The following PACSIN1 variants were observed in gnomAD, a reference collection of about 807,000 sequenced individuals.
PACSIN1 encodes protein kinase C and casein kinase substrate in neurons protein 1.
In PACSIN1, 15 loss-of-function variants were observed where a neutral mutation model predicts 59.5. The observed-to-expected ratio is 0.25, with a 90% CI of 0.17 to 0.39. The LOEUF is 0.39. PACSIN1 is among the 10% of genes least tolerant of loss of function. The pLI is 1.00. For missense variants in PACSIN1, 420 were observed against 580.2 expected (o/e 0.72, Z 2.84); for synonymous variants, 210 against 220.6 (o/e 0.95, Z 0.42).
At chr6:34,508,902 A>G (rs1034668077) in intron 1 of PACSIN1, among the ~76,000 whole-genome samples, 1 of 151,996 alleles carries the variant, frequency 6.6e-6, no homozygotes, top group Non-Finnish European at 1.5e-5. Flanking sequence ...TTTCTTATGT[A>G]TTTTGGATCC....
In PACSIN1 at chr6:34,483,799, G is replaced by A. The variant is rs147117938; in HGVS notation, c.-64+17529G>A. Among the ~76,000 whole-genome samples the A allele has an allele frequency of 7.5e-3, 1,138 of 152,044 alleles. 16 individuals carry two copies. Among genetic ancestry groups the A allele is most frequent in the African/African-American group, 0.026 (1,073 of 41,476 alleles). On this transcript the variant is annotated intron_variant, in intron 1 of 9. Transcript: ENST00000244458. ...TAGCTGGGATTGATTACAGGCATGT[G>A]CCACCATGCCCGGCTAATTTTGTAT...
At chr6:34,486,151 G>C (rs1378087566) in intron 1 of PACSIN1, among the ~76,000 whole-genome samples, 1 of 152,108 alleles carries the variant, frequency 6.6e-6, no homozygotes, top group Admixed American at 6.5e-5. Context: ...CCCAGACTAG[G>C]GGGTGAGGGG....
chr6:34,527,470 C>A lies in PACSIN1; in HGVS notation c.202C>A (p.Arg68Ser). ...GCTCACCGACTGGGCCAAGCGTTGG[C>A]GCCAGCTCATCGAGAAAGGTGCTCC... The part of the protein sequence containing the change: ...QQLTDWAKRW[R>S]QLIEKGPQYG... Residue 68 changes from arginine to serine, a missense_variant, in exon 3 of 10, where the codon CGC becomes AGC. Coordinates refer to ENST00000244458, the MANE Select transcript of PACSIN1 (RefSeq NM_020804.5). The A allele has an allele frequency of 6.3e-7, 1 of 1,593,338 alleles. No homozygotes were observed. The highest frequency in any genetic ancestry group is 1.8e-5 in the Admixed American group (1 of 56,992).
At position 34,530,294 on chromosome 6, in the gene PACSIN1, C is replaced by T. The variant is rs1344614570; in HGVS notation, c.840C>T (p.Ala280=). 6.2e-7 allele frequency: 1 copy of T among 1,613,950 alleles called. No homozygotes were observed. Among genetic ancestry groups the T allele is most frequent in the Non-Finnish European group, 8.5e-7 (1 of 1,180,010 alleles). ...ELEQAIRGAD[A]QEDLRWFRST... ...AGCAGGCCATCCGGGGGGCTGATGC[C>T]CAGGAAGACCTCAGATGGTTCCGCA... The change falls in exon 7 of 10, where the codon GCC becomes GCT. Residue 280 remains alanine (A), a synonymous_variant. Transcript: ENST00000244458. This position sits in a 1 kb window ranked among gnomAD's most constrained non-coding sequence, Gnocchi z 4.4.
intron 1 of PACSIN1, among the ~76,000 whole-genome samples, chr6:34,472,439 T>C (rs903716534): frequency 1.3e-5 from 2 of 152,246 alleles, no homozygotes; most frequent in Admixed American, 1.3e-4. Flanking sequence ...CGCAGGGATC[T>C]GGAGGGAGAA....
intron 1 of PACSIN1, among the ~76,000 whole-genome samples, chr6:34,481,365 A>T (rs1766716190): frequency 6.6e-6 from 1 of 152,084 alleles, no homozygotes; most frequent in South Asian, 2.1e-4. Context: ...CATCTTTTTC[A>T]TACGTTCACA....
In PACSIN1 at chr6:34,528,889, GT is replaced by G; in HGVS notation, c.456+13del. 1 of 1,482,742 alleles carries G rather than the reference GT, an allele frequency of 6.7e-7. No homozygotes were observed. The highest frequency in any genetic ancestry group is 9.4e-7 in the Non-Finnish European group (1 of 1,069,044). The allele number at this position is 1,482,742 out of a possible 1,614,324, so 91.8% of individuals were successfully genotyped here. On this transcript the variant is annotated intron_variant, in intron 4 of 9. Transcript: ENST00000244458. ...AGAAGATGAAGGAGGTGCTCAGTGG[GT>G]GCTGCCACGGGCGGGGTGGGGTGGG...
intron 1 of PACSIN1, among the ~76,000 whole-genome samples, chr6:34,506,832 A>T (rs1382693118): frequency 1.3e-5 from 2 of 152,174 alleles, no homozygotes; most frequent in Non-Finnish European, 2.9e-5. Flanking sequence ...AGGTCAACCC[A>T]GCATGGAGAG....
chr6:34,512,858 G>A (rs1009021305), intron 1 of PACSIN1, among the ~76,000 whole-genome samples: 2 of 152,240 alleles, frequency 1.3e-5, no homozygotes, highest in African/African-American at 4.8e-5. Flanking sequence ...AGGCTTGGCA[G>A]ACCGAGGGCT....
chr6:34,477,230 C>T (rs916620560), intron 1 of PACSIN1, among the ~76,000 whole-genome samples: 2 of 152,010 alleles, frequency 1.3e-5, no homozygotes, highest in African/African-American at 4.8e-5. Flanking sequence ...GTTGCTCATG[C>T]CTGTAATCCC....
At chr6:34,493,271 C>T (rs1281442438) in intron 1 of PACSIN1, among the ~76,000 whole-genome samples, 3 of 152,168 alleles carry the variant, frequency 2.0e-5, no homozygotes, top group African/African-American at 7.2e-5. Flanking sequence ...TTTGGGGTGG[C>T]ACAGGGCATA....
At position 34,529,869 on chromosome 6, in the gene PACSIN1, C is replaced by G. The variant is rs1185548160; in HGVS notation, c.788+28C>G. On this transcript the variant is annotated intron_variant, in intron 6 of 9. Coordinates refer to ENST00000244458, the MANE Select transcript of PACSIN1 (RefSeq NM_020804.5). This position sits in a 1 kb window ranked among gnomAD's most constrained non-coding sequence, Gnocchi z 6.3. The stretch of plus-strand genomic sequence containing the variant: ...ACCTGGGCATGGCAGGCACCGAGGG[C>G]ACAGGCACAGCCAGCAGATGGTGTG... 1 of 1,605,148 alleles carries G rather than the reference C, an allele frequency of 6.2e-7. No individual in the cohort carries two copies.
At position 34,532,310 on chromosome 6, in the gene PACSIN1, A is replaced by C. The variant is rs1767611880; in HGVS notation, c.1226-111A>C. The C allele has an allele frequency of 2.8e-6, 2 of 714,106 alleles. No individual in the cohort carries two copies. Among genetic ancestry groups the C allele is most frequent in the Non-Finnish European group, 4.8e-6 (2 of 416,560 alleles). 44.2% of individuals were successfully genotyped at this position (714,106 alleles called of 1,614,324 possible). A position where few individuals can be genotyped will look rare whatever the true frequency, so the allele number is the denominator to read the frequency against. On this transcript the variant is annotated intron_variant, in intron 9 of 9. Coordinates refer to ENST00000244458, the MANE Select transcript of PACSIN1 (RefSeq NM_020804.5). This position sits in a 1 kb window ranked among gnomAD's most constrained non-coding sequence, Gnocchi z 5.2. ...TCCAGGGGCGGGGCCTAAGAATCTAAAACCCAGTGCAGTAATCAGGAGGTG... is the reference window on the plus strand; with the variant it reads ...TCCAGGGGCGGGGCCTAAGAATCTACAACCCAGTGCAGTAATCAGGAGGTG...
chr6:34,511,971 T>C (rs1767209783), intron 1 of PACSIN1, among the ~76,000 whole-genome samples: 3 of 151,978 alleles, frequency 2.0e-5, no homozygotes, highest in Admixed American at 6.6e-5. Context: ...CCTCCTCTGA[T>C]CTCACCTGTG....
intron 1 of PACSIN1, among the ~76,000 whole-genome samples, chr6:34,491,593 T>C (rs1246197971): frequency 6.6e-6 from 1 of 151,802 alleles, no homozygotes; most frequent in African/African-American, 2.4e-5. Context: ...CTCCATGGTG[T>C]AAATGCACCA....
intron 1 of PACSIN1, among the ~76,000 whole-genome samples, chr6:34,508,941 AT>A (rs976491918): frequency 3.9e-5 from 6 of 152,040 alleles, no homozygotes; most frequent in East Asian, 3.9e-4. Context: ...GTGGTTTGCA[AT>A]TTTTTTCCCC....
intron 1 of PACSIN1, among the ~76,000 whole-genome samples, chr6:34,520,038 G>A (rs1223883668): frequency 6.6e-6 from 1 of 152,116 alleles, no homozygotes; most frequent in Non-Finnish European, 1.5e-5. Flanking sequence ...GAGGGACAGG[G>A]ACTGAGCTGG....
intron 1 of PACSIN1, among the ~76,000 whole-genome samples, chr6:34,472,875 C>T (rs909747163): frequency 6.6e-6 from 1 of 152,072 alleles, no homozygotes; most frequent in Non-Finnish European, 1.5e-5. Flanking sequence ...AAGGAGGGGC[C>T]GGGGATCCCT....
chr6:34,502,171 T>G lies in PACSIN1; in HGVS notation c.-63-24072T>G, dbSNP rs550882757. ...CACCCTGGTGCAGCGTTTTCCACAG[T>G]GACACTAGGCTTGGCAATATGACTT... On this transcript the variant is annotated intron_variant, in intron 1 of 9. Coordinates refer to ENST00000244458, the MANE Select transcript of PACSIN1 (RefSeq NM_020804.5). Among the ~76,000 whole-genome samples, 10 of 152,202 alleles carry G rather than the reference T, an allele frequency of 6.6e-5. No homozygotes were observed. The South Asian group carries it at 1.9e-3, about 28-fold the overall frequency.
Sources: gnomAD v4.1 joint callset for allele counts (sites outside exome capture counted in the v4.1 genomes callset) on GRCh38, gnomAD v4.1.1 for gene constraint, Gnocchi (gnomAD v3.1) non-coding constraint, MANE v1.5 for transcripts, NCBI Gene and HGNC (gene_info 2026-07-23, HGNC 2026-07-21) for gene names.